SNX29: variants seen among roughly 807,000 people sequenced by gnomAD.
The protein encoded by SNX29 is sorting nexin 29, also known as sorting nexin-29.
A neutral mutation model predicts 102.1 loss-of-function variants in SNX29; 78 were observed. The ratio of observed to expected loss-of-function variants is 0.76; its 90% CI spans 0.64 to 0.92. The LOEUF (loss-of-function observed/expected upper bound fraction) is 0.92. SNX29 is among the 40% of genes least tolerant of loss of function. The pLI is 0.00. For synonymous variants in SNX29, 580 were observed against 414.5 expected (o/e 1.40, Z -4.85); for missense variants, 1,280 against 1,061.7 (o/e 1.21, Z -2.86).
At chr16:12,494,375 G>A (rs1359232889) in intron 19 of SNX29, among the ~76,000 whole-genome samples, 1 of 152,164 alleles carries the variant, frequency 6.6e-6, no homozygotes, top group Non-Finnish European at 1.5e-5. Context: ...TTTTCTGGGG[G>A]AGCAGTTCCG....
chr16:12,361,788 A>T (rs1423652340), intron 16 of SNX29, among the ~76,000 whole-genome samples: 1 of 152,140 alleles, frequency 6.6e-6, no homozygotes, highest in East Asian at 1.9e-4. Flanking sequence ...ACTCATGACA[A>T]ACCTTAGCAT....
At chr16:12,461,978 A>AATAATATATATATATAT (rs1555544500) in intron 18 of SNX29, among the ~76,000 whole-genome samples, 2 of 27,354 alleles carry the variant, frequency 7.3e-5, no homozygotes, top group East Asian at 2.1e-3. Context: ...AAAAAAAAAA[A>AATAATATATATATATAT]ATATATATAT....
At chr16:12,002,130 T>A (rs1223461990) in intron 2 of SNX29, among the ~76,000 whole-genome samples, 1 of 152,036 alleles carries the variant, frequency 6.6e-6, no homozygotes, top group Non-Finnish European at 1.5e-5. Context: ...ATGTTATCTA[T>A]ATTTTAATTT....
intron 20 of SNX29, among the ~76,000 whole-genome samples, chr16:12,556,776 G>A (rs962937231): frequency 3.3e-5 from 5 of 152,174 alleles, no homozygotes; most frequent in Admixed American, 1.3e-4. Flanking sequence ...TCTGGTTTGA[G>A]CATTGGAGTC....
chr16:12,559,153 C>G (rs966823397), intron 20 of SNX29, among the ~76,000 whole-genome samples: 1 of 152,098 alleles, frequency 6.6e-6, no homozygotes, highest in African/African-American at 2.4e-5. Flanking sequence ...AACCCCTGGC[C>G]CAGTACCAGT....
intron 19 of SNX29, among the ~76,000 whole-genome samples, chr16:12,481,610 C>T (rs1272119628): frequency 6.6e-6 from 1 of 151,978 alleles, no homozygotes; most frequent in East Asian, 1.9e-4. Context: ...TTTCACCTCA[C>T]AGCAACCTCC....
At chr16:12,143,667 C>T (rs966952738) in intron 13 of SNX29, among the ~76,000 whole-genome samples, 4 of 152,158 alleles carry the variant, frequency 2.6e-5, no homozygotes, top group African/African-American at 9.7e-5. Context: ...AACAGACAGC[C>T]ATGGTGATTA....
At chr16:12,181,130 C>T (rs1390691723) in intron 13 of SNX29, among the ~76,000 whole-genome samples, 1 of 152,178 alleles carries the variant, frequency 6.6e-6, no homozygotes, top group Admixed American at 6.5e-5. Context: ...GAGGAAGAAT[C>T]TCCTGGCTTT....
intron 19 of SNX29, among the ~76,000 whole-genome samples, chr16:12,519,979 G>T (rs1185035254): frequency 1.3e-5 from 2 of 151,926 alleles, no homozygotes; most frequent in African/African-American, 4.8e-5. Context: ...GCGAGACTCT[G>T]TCCCGCCTGC....
rs576401531 is a variant in SNX29, at chr16:12,262,094, G to A, written c.1679-15839G>A. 1.5e-4 allele frequency among the ~76,000 whole-genome samples: 23 copies of A among 149,384 alleles called. 1 individual carries two copies. Among genetic ancestry groups the A allele is most frequent in the Admixed American group, 1.3e-3 (20 of 14,856 alleles). The stretch of plus-strand genomic sequence containing the variant: ...CGGGTCTGTGCGCGCGTCCCCGGCT[G>A]AAGTAAGTGTTTGCTCTGAGCTCTG... On this transcript the variant is annotated intron_variant, in intron 14 of 20. Transcript: ENST00000566228.
chr16:12,001,854 A>G (rs1241881582), intron 2 of SNX29, among the ~76,000 whole-genome samples: 2 of 151,974 alleles, frequency 1.3e-5, no homozygotes, highest in Non-Finnish European at 2.9e-5. Flanking sequence ...CCCTGTCTCT[A>G]CAAAAAATAA....
At chr16:12,125,519 C>T (rs1344256210) in intron 11 of SNX29, among the ~76,000 whole-genome samples, 7 of 147,446 alleles carry the variant, frequency 4.7e-5, no homozygotes, top group Non-Finnish European at 8.9e-5. Flanking sequence ...TGGATCGGGT[C>T]GGCATCCATC....
At chr16:12,278,318 T>G (rs939942796) in intron 15 of SNX29, among the ~76,000 whole-genome samples, 8 of 152,110 alleles carry the variant, frequency 5.3e-5, no homozygotes, top group African/African-American at 1.9e-4. Flanking sequence ...ATTGTAAGAT[T>G]TGGAGATGAA....
chr16:12,098,607 C>A lies in SNX29; in HGVS notation c.1402+19692C>A, dbSNP rs772115130. 6.6e-6 allele frequency among the ~76,000 whole-genome samples: 1 copy of A among 152,184 alleles called. No individual in the cohort carries two copies. The highest frequency in any genetic ancestry group is 1.5e-5 in the Non-Finnish European group (1 of 68,040). On this transcript the variant is annotated intron_variant, in intron 11 of 20. Coordinates refer to ENST00000566228, the MANE Select transcript of SNX29 (RefSeq NM_032167.5). This position sits in a 1 kb window ranked among gnomAD's most constrained non-coding sequence, Gnocchi z 6.0. ...TTCAGTTTCATGCTCTTCCGTCTGC[C>A]GGGACACCCTCCCCTCTCCTCCTCT... is the stretch of plus-strand genomic sequence containing the variant.
chr16:12,480,366 C>T (rs2087850979), intron 19 of SNX29, among the ~76,000 whole-genome samples: 1 of 152,180 alleles, frequency 6.6e-6, no homozygotes, highest in Non-Finnish European at 1.5e-5. Flanking sequence ...TCTTCAGAGA[C>T]ATCACTCAGC....
At chr16:12,032,427 C>T (rs958193999) in intron 4 of SNX29, among the ~76,000 whole-genome samples, 4 of 151,932 alleles carry the variant, frequency 2.6e-5, no homozygotes, top group African/African-American at 9.7e-5. Context: ...AGGCTGGTCT[C>T]GAACCCCTGA....
At chr16:12,170,969 G>A (rs2076137103) in intron 13 of SNX29, among the ~76,000 whole-genome samples, 1 of 151,966 alleles carries the variant, frequency 6.6e-6, no homozygotes, top group Non-Finnish European at 1.5e-5. Flanking sequence ...GAAAAATCCC[G>A]GCCAGCGTGT....
At chr16:12,362,241 G>A (rs994536281) in intron 16 of SNX29, among the ~76,000 whole-genome samples, 2 of 152,216 alleles carry the variant, frequency 1.3e-5, no homozygotes, top group African/African-American at 2.4e-5. Context: ...TGTTGGGATA[G>A]CATCCTGGGT....
chr16:12,228,712 T>G (rs1161128452), intron 14 of SNX29, among the ~76,000 whole-genome samples: 1 of 152,206 alleles, frequency 6.6e-6, no homozygotes, highest in Non-Finnish European at 1.5e-5. Flanking sequence ...TCACCTCATT[T>G]CAGTTCCTGG....
Sources: gnomAD v4.1 joint callset for allele counts (sites outside exome capture counted in the v4.1 genomes callset) on GRCh38, gnomAD v4.1.1 for gene constraint, Gnocchi (gnomAD v3.1) non-coding constraint, MANE v1.5 for transcripts, NCBI Gene and HGNC (gene_info 2026-07-23, HGNC 2026-07-21) for gene names.